The following TENM1 variants were observed in gnomAD, a reference collection of about 807,000 sequenced individuals.
TENM1 encodes the protein teneurin transmembrane protein 1.
In TENM1, 35 loss-of-function variants were observed where a neutral mutation model predicts 174.8. The observed-to-expected ratio is 0.20, with a 90% CI of 0.15 to 0.27. TENM1 has a LOEUF of 0.27. Ranked by LOEUF, TENM1 falls within the 10% of genes least tolerant of loss-of-function variation. The probability of loss-of-function intolerance (pLI) is 1.00; values close to 1 mark genes in which losing one functional copy is unlikely to be tolerated. For missense variants in TENM1, 1,633 were observed against 2,130.1 expected, an observed-to-expected ratio of 0.77 and a Z score of 4.59; for synonymous variants, 781 against 798.7, an observed-to-expected ratio of 0.98 and a Z score of 0.37.
the TENM1 span, among the ~76,000 whole-genome samples, chrX:125,056,383 A>G: frequency 1.8e-5 from 2 of 112,073 alleles, no homozygotes; most frequent in Admixed American, 1.9e-4. Context: ...GAGATAAGAA[A>G]TTAAGTTAAG....
the TENM1 span, among the ~76,000 whole-genome samples, chrX:125,116,197 G>A: frequency 8.9e-6 from 1 of 112,151 alleles, no homozygotes; most frequent in African/African-American, 3.2e-5. Context: ...GCAGAAAACT[G>A]AAACTGGACA....
chrX:124,482,218 C>T (rs2046861469), intron 21 of TENM1, among the ~76,000 whole-genome samples: 1 of 110,604 alleles, frequency 9.0e-6, no homozygotes, highest in African/African-American at 3.3e-5. Context: ...TAGAAAGAAA[C>T]AGAAGACAGG....
At chrX:125,065,119 G>C in the TENM1 span, among the ~76,000 whole-genome samples, 29 of 111,872 alleles carry the variant, frequency 2.6e-4, no homozygotes, top group East Asian at 7.7e-3. Flanking sequence ...AGAAGACAAA[G>C]CACGATCAAA....
At chrX:124,816,346 A>G (rs2055894578) in intron 3 of TENM1, among the ~76,000 whole-genome samples, 1 of 112,495 alleles carries the variant, frequency 8.9e-6, no homozygotes, top group Non-Finnish European at 1.9e-5. Flanking sequence ...ATATGAATGC[A>G]TGCATTTGTG....
intron 3 of TENM1, among the ~76,000 whole-genome samples, chrX:124,861,226 C>T (rs189918598): frequency 0.065 from 7,281 of 111,730 alleles, 545 homozygotes; most frequent in African/African-American, 0.22. Flanking sequence ...CATTGTCTGT[C>T]TACCTTCCTT....
exon 32 of TENM1, chrX:124,380,957 A>G: frequency 8.3e-7 from 1 of 1,211,493 alleles, no homozygotes; most frequent in Non-Finnish European, 1.1e-6. Context: ...ACCGATGAGC[A>G]CCAGGTCTTC....
the TENM1 span, among the ~76,000 whole-genome samples, chrX:125,151,191 A>ATCTT: frequency 8.9e-6 from 1 of 112,594 alleles, no homozygotes; most frequent in South Asian, 3.6e-4. Context: ...AGAACATGAT[A>ATCTT]TCTTACAAAG....
At chrX:125,085,240 G>T in the TENM1 span, among the ~76,000 whole-genome samples, 1 of 110,821 alleles carries the variant, frequency 9.0e-6, no homozygotes, top group African/African-American at 3.3e-5. Context: ...TACAAACATG[G>T]TTTTAAATAC....
intron 4 of TENM1, among the ~76,000 whole-genome samples, chrX:124,731,387 G>C (rs2053561815): frequency 1.8e-5 from 2 of 111,586 alleles, no homozygotes; most frequent in Admixed American, 1.9e-4. Context: ...AGGCAAAGCA[G>C]TCATTAAAAG....
chrX:125,032,792 A>G, the TENM1 span, among the ~76,000 whole-genome samples: 2 of 111,987 alleles, frequency 1.8e-5, no homozygotes, highest in African/African-American at 6.5e-5. Context: ...ACAGCCCAGC[A>G]CAACACAGCC....
chrX:124,721,571 A>T (rs2053309224), intron 4 of TENM1, among the ~76,000 whole-genome samples: 1 of 111,925 alleles, frequency 8.9e-6, no homozygotes, highest in African/African-American at 3.2e-5. Context: ...GGGAAACTTA[A>T]CCGAACCATA....
intron 1 of TENM1, among the ~76,000 whole-genome samples, chrX:124,935,111 A>C (rs1229565390): frequency 9.2e-6 from 1 of 108,201 alleles, no homozygotes; most frequent in African/African-American, 3.4e-5. Flanking sequence ...TTTGAAAACA[A>C]AAAAGTTATA....
At chrX:124,783,106 T>C (rs893633340) in intron 3 of TENM1, among the ~76,000 whole-genome samples, 10 of 109,791 alleles carry the variant, frequency 9.1e-5, no homozygotes, top group Admixed American at 4.9e-4. Flanking sequence ...AATTTCTCTA[T>C]GATATGAGTG....
intron 10 of TENM1, 129 bp from the exon 14 acceptor site, chrX:124,642,120 G>T (rs2051033393): frequency 1.9e-6 from 1 of 517,084 alleles, no homozygotes; most frequent in Non-Finnish European, 3.4e-6. Flanking sequence ...CTTTAATTAG[G>T]CAATAAAATG....
chrX:124,383,719 G>T (rs1236772657), exon 30 of TENM1: 3 of 1,207,440 alleles, frequency 2.5e-6, no homozygotes, highest in Non-Finnish European at 3.4e-6. Context: ...TAGGAAGGAG[G>T]TTCAACTGTT....
chrX:124,510,775 T>TACACACACATACACAC (rs1556652506), intron 18 of TENM1, among the ~76,000 whole-genome samples: 3 of 103,543 alleles, frequency 2.9e-5, no homozygotes, highest in Non-Finnish European at 3.9e-5. Context: ...CATGGGGAGA[T>TACACACACATACACAC]ACACACACAC....
the TENM1 span, among the ~76,000 whole-genome samples, chrX:125,009,529 G>T: frequency 0.28 from 30,691 of 110,418 alleles, 4,932 homozygotes; most frequent in African/African-American, 0.61. Context: ...CTAACTCATT[G>T]TATGAGGCCA....
At chrX:125,012,435 G>A in the TENM1 span, among the ~76,000 whole-genome samples, 6 of 112,145 alleles carry the variant, frequency 5.4e-5, no homozygotes, top group Non-Finnish European at 9.4e-5. Flanking sequence ...GCTTAGAAGC[G>A]AATTGACTCC....
chrX:125,105,211 A>G, the TENM1 span, among the ~76,000 whole-genome samples: 8 of 111,649 alleles, frequency 7.2e-5, no homozygotes, highest in Non-Finnish European at 1.5e-4. Context: ...AAAATCTGTA[A>G]CTACAGAGTT....
Sources: allele counts gnomAD v4.1 joint callset (sites outside exome capture counted in the v4.1 genomes callset), GRCh38; gene constraint gnomAD v4.1.1; transcripts MANE v1.5; gene names NCBI Gene and HGNC (gene_info 2026-07-23, HGNC 2026-07-21).